The following PACS2 variants were observed in gnomAD, a reference collection of about 807,000 sequenced individuals.
The protein encoded by PACS2 is PACS1-like protein.
A neutral mutation model predicts 113.0 loss-of-function variants in PACS2; 36 were observed. That is an observed-to-expected ratio of 0.32 (90% CI 0.24 to 0.42). The LOEUF (loss-of-function observed/expected upper bound fraction) is 0.42, where lower values mean the gene tolerates loss of function less well. Ranked by LOEUF, PACS2 falls within the 10% of genes least tolerant of loss-of-function variation. The pLI is 1.00. For missense variants in PACS2, 1,015 were observed against 1,239.5 expected, an observed-to-expected ratio of 0.82 and a Z score of 2.72; for synonymous variants, 589 against 536.1, an observed-to-expected ratio of 1.10 and a Z score of -1.36.
chr14:105,386,895 C>G (rs1238296610), intron 19 of PACS2, among the ~76,000 whole-genome samples: 2 of 152,212 alleles, frequency 1.3e-5, no homozygotes, highest in Non-Finnish European at 2.9e-5. Flanking sequence ...GCCCTTGCCC[C>G]CTGGCTGTGG....
chr14:105,382,098 C>T (rs1555412228), intron 13 of PACS2, 40 bp downstream of exon 13: 16 of 1,528,242 alleles, frequency 1.0e-5, no homozygotes, highest in East Asian at 2.5e-5. Context: ...AGGCAGGGCT[C>T]GTGGTCACCC....
At chr14:105,368,198 C>G (rs587648066) in intron 6 of PACS2, 51 bp downstream of exon 6, 9 of 1,340,932 alleles carry the variant, frequency 6.7e-6, no homozygotes, top group African/African-American at 1.4e-5. Flanking sequence ...ACCGGGTGTC[C>G]TGGGGTCTGT....
In PACS2 at chr14:105,355,018, C is replaced by A; in HGVS notation, c.298-34C>A. ...CGTGATGCTGCCTGGGGCCCCGGTG[C>A]ACCCTCAGCTGCCACTCGCACTTGT... is the stretch of plus-strand genomic sequence containing the variant. On this transcript the variant is annotated intron_variant, in intron 3 of 24. Transcript: ENST00000447393. The surrounding 1 kb of genome is among the most constrained non-coding windows in gnomAD (Gnocchi z 4.1). 6.2e-7 allele frequency: 1 copy of A among 1,605,664 alleles called. No homozygotes were observed. Among genetic ancestry groups the A allele is most frequent in the African/African-American group, 1.3e-5 (1 of 74,856 alleles).
upstream of PACS2, among the ~76,000 whole-genome samples, chr14:105,310,701 C>T (rs755538618): frequency 2.6e-5 from 4 of 152,124 alleles, no homozygotes; most frequent in Non-Finnish European, 5.9e-5. Flanking sequence ...CTCCAGCCAG[C>T]GGCAGCTCAC....
intron 1 of PACS2, among the ~76,000 whole-genome samples, chr14:105,326,750 G>T (rs2059124881): frequency 6.6e-6 from 1 of 152,206 alleles, no homozygotes; most frequent in Non-Finnish European, 1.5e-5. Context: ...CTGAGGTCTG[G>T]GCTCTCCTGG....
At chr14:105,349,050 C>G (rs587663702) in intron 2 of PACS2, among the ~76,000 whole-genome samples, 1 of 152,226 alleles carries the variant, frequency 6.6e-6, no homozygotes, top group Non-Finnish European at 1.5e-5. Context: ...TGTGACCTCT[C>G]GAAGGCTTTG....
At chr14:105,335,182 G>C (rs891536787) in intron 1 of PACS2, among the ~76,000 whole-genome samples, 2 of 152,248 alleles carry the variant, frequency 1.3e-5, no homozygotes, top group African/African-American at 4.8e-5. Context: ...AGCACTGAGG[G>C]CCGGACGTGT....
chr14:105,305,341 G>A (rs1292269740), intron 1 of PACS2, among the ~76,000 whole-genome samples: 2 of 152,162 alleles, frequency 1.3e-5, no homozygotes, highest in Non-Finnish European at 2.9e-5. Flanking sequence ...AGTTGAGGCT[G>A]CAGTGAGCTG....
chr14:105,378,059 C>T (rs2080848448), intron 9 of PACS2, among the ~76,000 whole-genome samples: 2 of 152,254 alleles, frequency 1.3e-5, no homozygotes, highest in Admixed American at 6.5e-5. Flanking sequence ...CCCTCCTCCA[C>T]CTTCGGAACC....
chr14:105,392,877 C>T (rs373298853), intron 23 of PACS2, 32 bp downstream of exon 23: 72 of 1,502,298 alleles, frequency 4.8e-5, no homozygotes, highest in Middle Eastern at 2.1e-4. Flanking sequence ...GGCCACACGG[C>T]GCAGAAGGGC....
At chr14:105,303,382 T>A (rs2140629486) in intron 1 of PACS2, among the ~76,000 whole-genome samples, 1 of 152,302 alleles carries the variant, frequency 6.6e-6, no homozygotes, top group African/African-American at 2.4e-5. Context: ...TAGCTGGGAC[T>A]ACAGGTGCCC....
At position 105,395,966 on chromosome 14, in the gene PACS2, T is replaced by C. The variant is rs928020051; in HGVS notation, c.*1294T>C. The C allele has an allele frequency of 2.0e-5, 3 of 152,200 alleles. No individual in the cohort carries two copies. Among genetic ancestry groups the C allele is most frequent in the African/African-American group, 7.2e-5 (3 of 41,422 alleles). The allele number at this position is 152,200 out of a possible 1,614,324, so 9.4% of individuals were successfully genotyped here. Reference sequence around the variant, plus strand: ...GGCCTGGTTTCGTAAGATGGAGCACTGCAAAAGGCCATGCTCAGAAAGCAA... The same window carrying C: ...GGCCTGGTTTCGTAAGATGGAGCACCGCAAAAGGCCATGCTCAGAAAGCAA... On this transcript the variant is annotated 3_prime_UTR_variant, in exon 25 of 25. Transcript: ENST00000447393.
Position 105,314,947 on chromosome 14 carries a change from C to T in PACS2, c.29C>T (p.Pro10Leu), listed in dbSNP as rs1331076250. The change falls in exon 1 of 25, where the codon CCC becomes CTC. Residue 10 changes from proline (P) to leucine (L), a missense_variant. Pro to Leu is a moderately conservative substitution (Grantham distance 98). Transcript: ENST00000447393. The part of the protein sequence containing the change: MAERGRLGL[P>L]GAPGALNTPV... ...GCCGAGCGAGGCCGCCTCGGCCTCC[C>T]CGGCGCGCCCGGCGCGCTCAACACG... 7.7e-6 allele frequency: 9 copies of T among 1,170,652 alleles called. No homozygotes were observed. Among genetic ancestry groups the T allele is most frequent in the Non-Finnish European group, 9.7e-6 (9 of 929,280 alleles). The allele number at this position is 1,170,652 out of a possible 1,614,324, so 72.5% of individuals were successfully genotyped here.
chr14:105,305,402 AAAGAAAAAAGAAAC>A (rs1181329531), intron 1 of PACS2, among the ~76,000 whole-genome samples: 1 of 151,744 alleles, frequency 6.6e-6, no homozygotes, highest in African/African-American at 2.4e-5. Flanking sequence ...AACCTGTCTC[AAAGAAAAAAGAAAC>A]AAGAAAAAAG....
At chr14:105,325,506 C>T (rs779570203) in intron 1 of PACS2, among the ~76,000 whole-genome samples, 4 of 152,198 alleles carry the variant, frequency 2.6e-5, no homozygotes, top group Admixed American at 6.5e-5. Flanking sequence ...TTCTGTCTCT[C>T]GACTGCCCCA....
chr14:105,319,835 C>T (rs1458493880), intron 1 of PACS2, among the ~76,000 whole-genome samples: 1 of 152,180 alleles, frequency 6.6e-6, no homozygotes, highest in Non-Finnish European at 1.5e-5. Flanking sequence ...CTTAAAAAGT[C>T]TCATCCTATT....
intron 4 of PACS2, among the ~76,000 whole-genome samples, chr14:105,361,257 GC>G (rs2060666737): frequency 6.6e-6 from 1 of 152,254 alleles, no homozygotes; most frequent in African/African-American, 2.4e-5. Context: ...ACTTTGGGAG[GC>G]CAAGGTGGGC....
rs1555413224 is a variant in PACS2 at position 105,384,953 on chromosome 14, A to G, written c.1966A>G (p.Ile656Val). 3 of 1,596,558 alleles carry G rather than the reference A, an allele frequency of 1.9e-6. No individual in the cohort carries two copies. The highest frequency in any genetic ancestry group is 2.3e-5 in the East Asian group (1 of 44,230). The stretch of plus-strand genomic sequence containing the variant: ...GGCCAACTGTGCCCACCAGCTCCCC[A>G]TCGCAGAGGCCATGCTGACCTACAA... Reference protein sequence around the residue: ...AGANCAHQLPIAEAMLTYKQK... With the variant: ...AGANCAHQLPVAEAMLTYKQK... The change falls in exon 18 of 25, where the codon ATC becomes GTC. Residue 656 changes from isoleucine to valine, a missense_variant. Physicochemically the swap from Ile to Val is conservative, Grantham distance 29 (BLOSUM62 3). Around this residue, in one of 3 missense-constraint regions of PACS2, gnomAD observed 859 missense variants for 1,056.8 expected, o/e 0.81. Coordinates refer to ENST00000447393, the MANE Select transcript of PACS2 (RefSeq NM_001100913.3).
rs1280878016 is a variant in PACS2, at chr14:105,355,816, C to G, written c.423+639C>G. On this transcript the variant is annotated intron_variant, in intron 4 of 24. Transcript: ENST00000447393. This position sits in a 1 kb window ranked among gnomAD's most constrained non-coding sequence, Gnocchi z 4.1. ...GGGCGTGGGGGCCTGGGAGAAGACA[C>G]CCCAGGCTGAGGCCTCGGACTTTCT... Among the ~76,000 whole-genome samples the G allele has an allele frequency of 3.3e-5, 5 of 152,200 alleles. No individual in the cohort carries two copies. Among genetic ancestry groups the G allele is most frequent in the Admixed American group, 1.3e-4 (2 of 15,282 alleles).
Sources: gnomAD v4.1 joint callset for allele counts (sites outside exome capture counted in the v4.1 genomes callset) on GRCh38, gnomAD v4.1.1 for gene constraint, gnomAD v4.1.1 regional missense constraint, Gnocchi (gnomAD v3.1) non-coding constraint, MANE v1.5 for transcripts, NCBI Gene and HGNC (gene_info 2026-07-23, HGNC 2026-07-21) for gene names.